C9orf85: variants seen among roughly 807,000 people sequenced by gnomAD.
C9orf85 encodes the protein chromosome 9 open reading frame 85, also known as uncharacterized protein C9orf85.
In C9orf85, 16 loss-of-function variants were observed where a neutral mutation model predicts 14.9. The ratio of observed to expected loss-of-function variants is 1.08; its 90% confidence interval spans 0.73 to 1.63. The LOEUF (loss-of-function observed/expected upper bound fraction) is 1.63. C9orf85 is among the 40% of genes most tolerant of loss of function. The pLI is 0.00. For synonymous variants in C9orf85, 45 were observed against 56.8 expected (o/e 0.79, Z 0.93); for missense variants, 172 against 186.1 (o/e 0.92, Z 0.44).
At chr9:71,917,286 G>A (rs1827673666) in intron 1 of C9orf85, among the ~76,000 whole-genome samples, 2 of 152,210 alleles carry the variant, frequency 1.3e-5, no homozygotes, top group South Asian at 4.1e-4. Flanking sequence ...TTCCTCATGA[G>A]GTGTGGCCCC....
At chr9:71,935,909 C>CAG (rs1554706927) in intron 1 of C9orf85, among the ~76,000 whole-genome samples, 5 of 151,834 alleles carry the variant, frequency 3.3e-5, no homozygotes, top group South Asian at 2.1e-4. Context: ...AGGGGAGAAA[C>CAG]AGAAAAAAAA....
At chr9:71,938,227 T>C (rs1012371618) in intron 1 of C9orf85, among the ~76,000 whole-genome samples, 4 of 152,082 alleles carry the variant, frequency 2.6e-5, no homozygotes, top group African/African-American at 9.7e-5. Context: ...ATGTAGTAAG[T>C]TGATTATAGC....
intron 2 of C9orf85, among the ~76,000 whole-genome samples, chr9:71,959,100 A>C (rs1388316389): frequency 6.6e-6 from 1 of 152,046 alleles, no homozygotes; most frequent in Admixed American, 6.6e-5. Context: ...CAGAGTGGAC[A>C]AATAAGATAT....
At chr9:71,979,886 T>C (rs1358088543) in intron 3 of C9orf85, among the ~76,000 whole-genome samples, 2 of 152,244 alleles carry the variant, frequency 1.3e-5, no homozygotes, top group Non-Finnish European at 2.9e-5. Context: ...TTTATTCAAA[T>C]TCTAAATTTG....
rs112273652 is a variant in C9orf85 at position 71,934,245 on chromosome 9, G to A, written c.103-12761G>A. On this transcript the variant is annotated intron_variant, in intron 1 of 3. Transcript: ENST00000334731. ...TGTAATCCCAGCTACTTGGGAGGCT[G>A]AGGCATGAGAATCACTTGAACTGCA... 7.2e-3 allele frequency among the ~76,000 whole-genome samples: 1,098 copies of A among 152,242 alleles called. 13 individuals carry two copies. Among genetic ancestry groups the A allele is most frequent in the African/African-American group, 0.025 (1,026 of 41,532 alleles).
At chr9:71,975,689 A>G (rs960390266), downstream of C9orf85, among the ~76,000 whole-genome samples, 1 of 150,136 alleles carries the variant, frequency 6.7e-6, no homozygotes, top group African/African-American at 2.5e-5. Flanking sequence ...AAAATTAACC[A>G]CGCCTGGTGG....
intron 2 of C9orf85, among the ~76,000 whole-genome samples, chr9:71,954,408 G>T (rs1278977707): frequency 2.0e-5 from 3 of 152,022 alleles, no homozygotes; most frequent in African/African-American, 7.2e-5. Context: ...CCCAAGAGAG[G>T]GTTCTTGGAT....
intron 1 of C9orf85, 29 bp downstream of exon 1, chr9:71,911,865 G>C: frequency 6.3e-7 from 1 of 1,597,540 alleles, no homozygotes. Flanking sequence ...CACCGTCTTT[G>C]ACTCCAGGAA....
In C9orf85 at chr9:71,964,069, C is replaced by T. The variant is rs548275256; in HGVS notation, c.210-7436C>T. 2.0e-5 allele frequency among the ~76,000 whole-genome samples: 3 copies of T among 152,208 alleles called. No homozygotes were observed. The East Asian group carries it at 5.8e-4, about 29-fold the overall frequency. On this transcript the variant is annotated intron_variant, in intron 2 of 3. Coordinates refer to ENST00000334731, the MANE Select transcript of C9orf85 (RefSeq NM_182505.5). ...GGATTGTAAATACACCAATCAGCAC[C>T]CTGTGTCTAGCTCAGGGTTTGTGAA...
chr9:71,948,812 C>T (rs889538465), intron 2 of C9orf85, among the ~76,000 whole-genome samples: 1 of 97,556 alleles, frequency 1.0e-5, no homozygotes, highest in Non-Finnish European at 2.0e-5. Context: ...GCGTGAGCCA[C>T]GCCCCCCCCC....
intron 1 of C9orf85, among the ~76,000 whole-genome samples, chr9:71,932,536 C>CCTG: frequency 6.6e-6 from 1 of 152,270 alleles, no homozygotes; most frequent in Middle Eastern, 3.4e-3. Context: ...GACTTTGCCT[C>CCTG]AGCTCTGTAC....
chr9:71,977,192 T>A (rs988286192), downstream of C9orf85, among the ~76,000 whole-genome samples: 1 of 143,038 alleles, frequency 7.0e-6, no homozygotes, highest in African/African-American at 2.7e-5. Context: ...AAAAAAAAGT[T>A]TTTAAATAAA....
intron 1 of C9orf85, among the ~76,000 whole-genome samples, chr9:71,932,586 T>TTTCATCTTTATGAGACA (rs1828094814): frequency 6.6e-6 from 1 of 152,204 alleles, no homozygotes; most frequent in Non-Finnish European, 1.5e-5. Context: ...ATCTAGATCA[T>TTTCATCTTTATGAGACA]TTCATCTTTA....
intron 2 of C9orf85, among the ~76,000 whole-genome samples, chr9:71,960,550 A>G (rs1822485947): frequency 6.6e-6 from 1 of 152,198 alleles, no homozygotes; most frequent in Non-Finnish European, 1.5e-5. Flanking sequence ...AAAAGTAAAC[A>G]GTTACATTTT....
At chr9:71,964,546 G>A (rs1260619588) in intron 2 of C9orf85, among the ~76,000 whole-genome samples, 3 of 152,024 alleles carry the variant, frequency 2.0e-5, no homozygotes, top group Non-Finnish European at 2.9e-5. Context: ...TCACCGTGAA[G>A]GTCTGCAGCC....
At chr9:71,945,738 A>C (rs1822069730) in intron 1 of C9orf85, among the ~76,000 whole-genome samples, 1 of 152,222 alleles carries the variant, frequency 6.6e-6, no homozygotes, top group African/African-American at 2.4e-5. Flanking sequence ...TTAACTTAAT[A>C]TCTAATAGCC....
intron 2 of C9orf85, among the ~76,000 whole-genome samples, chr9:71,963,738 T>G (rs1295804335): frequency 6.6e-6 from 1 of 152,192 alleles, no homozygotes; most frequent in Non-Finnish European, 1.5e-5. Context: ...CCACTGGCGC[T>G]GCGCTTGATT....
rs1018122607 is a variant in C9orf85 at position 71,963,391 on chromosome 9, C to A, written c.210-8114C>A. On this transcript the variant is annotated intron_variant, in intron 2 of 3. Transcript: ENST00000334731. ...GACGGCGTGCTGGCAGTCCTCACAG[C>A]CCTCGCTCGCTCTCGGTGCCTCCTC... Among the ~76,000 whole-genome samples, 3 of 152,196 alleles carry A rather than the reference C, an allele frequency of 2.0e-5. No individual in the cohort carries two copies. The East Asian group carries it at 5.8e-4, about 30-fold the overall frequency.
rs143309001 is a variant in C9orf85 at position 71,979,403 on chromosome 9, A to T, written c.324-3254A>T. On this transcript the variant is annotated intron_variant, in intron 3 of 3. Coordinates refer to the C9orf85 transcript ENST00000377031. Reference sequence around the variant, plus strand: ...TCATGATGTTTATAAATATTACTTGATACTTTTTGGTTGAGACATTCCTTT... The same window carrying T: ...TCATGATGTTTATAAATATTACTTGTTACTTTTTGGTTGAGACATTCCTTT... Among the ~76,000 whole-genome samples, 5 of 152,292 alleles carry T rather than the reference A, an allele frequency of 3.3e-5. No individual in the cohort carries two copies. The East Asian group carries it at 9.6e-4, about 29-fold the overall frequency.
Sources: allele counts gnomAD v4.1 joint callset (sites outside exome capture counted in the v4.1 genomes callset), GRCh38; gene constraint gnomAD v4.1.1; transcripts MANE v1.5; gene names NCBI Gene and HGNC (gene_info 2026-07-23, HGNC 2026-07-21).